Variants in OGFOD3 observed in about 807,000 individuals in gnomAD.
The protein encoded by OGFOD3 is 2-oxoglutarate and iron dependent oxygenase domain containing 3.
OGFOD3 carries 35 observed loss-of-function variants against 39.8 expected under a neutral mutation model. That is an observed-to-expected ratio of 0.88 (90% CI 0.67 to 1.17). The LOEUF (loss-of-function observed/expected upper bound fraction) is 1.17. Ranked by LOEUF, OGFOD3 falls within the 50% of genes most tolerant of loss-of-function variation. The pLI is 0.00. For synonymous variants in OGFOD3, 200 were observed against 192.0 expected (o/e 1.04, Z -0.34); for missense variants, 438 against 454.5 (o/e 0.96, Z 0.33).
At chr17:82,400,621 G>A (rs1289734163) in intron 7 of OGFOD3, 1 of 151,950 alleles carries the variant, frequency 6.6e-6, no homozygotes. Context: ...GTAGGTGAGG[G>A]GGTTACTGGT....
intron 2 of OGFOD3, among the ~76,000 whole-genome samples, chr17:82,414,405 T>C (rs915142989): frequency 1.3e-5 from 2 of 152,216 alleles, no homozygotes; most frequent in Admixed American, 6.5e-5. Flanking sequence ...CCCAAAGTGC[T>C]GGGATTGAGG....
chr17:82,407,597 C>A (rs926254624), intron 4 of OGFOD3, among the ~76,000 whole-genome samples: 2 of 152,228 alleles, frequency 1.3e-5, no homozygotes, highest in African/African-American at 4.8e-5. Context: ...TTCCAGCCCA[C>A]GTTAGTCATC....
chr17:82,415,298 C>A lies in OGFOD3; in HGVS notation c.304+100G>T. On this transcript the variant is annotated intron_variant, in intron 2 of 8. Coordinates refer to ENST00000313056, the MANE Select transcript of OGFOD3 (RefSeq NM_024648.3). The surrounding 1 kb of genome is among the most constrained non-coding windows in gnomAD (Gnocchi z 5.3). ...GGAGGGGAGAGGTTGTCTGCTACCCCCAAGCATACCACATCCAACCCAATT... is the reference window on the plus strand; with the variant it reads ...GGAGGGGAGAGGTTGTCTGCTACCCACAAGCATACCACATCCAACCCAATT... The A allele has an allele frequency of 8.2e-7, 1 of 1,214,956 alleles. No individual in the cohort carries two copies. 75.3% of individuals were successfully genotyped at this position (1,214,956 alleles called of 1,614,324 possible).
At position 82,391,749 on chromosome 17, in the gene OGFOD3, T is replaced by C. The variant is rs28517555; in HGVS notation, c.*649A>G. 0.55 allele frequency: 83,847 copies of C among 152,378 alleles called. 23,190 individuals are homozygous for C. Among genetic ancestry groups the C allele is most frequent in the South Asian group, 0.7 (3,396 of 4,836 alleles). The allele number at this position is 152,378 out of a possible 1,614,324, so 9.4% of individuals were successfully genotyped here. On this transcript the variant is annotated 3_prime_UTR_variant, in exon 9 of 9. Transcript: ENST00000313056. This position sits in a 1 kb window ranked among gnomAD's most constrained non-coding sequence, Gnocchi z 5.1. ...GTGAGGACACTCGGACCCTGGCCCTTGGGATGCTGGCCGCTGACAGGGCCA... is the reference window on the plus strand; with the variant it reads ...GTGAGGACACTCGGACCCTGGCCCTCGGGATGCTGGCCGCTGACAGGGCCA...
In OGFOD3 at chr17:82,415,584, G is replaced by A. The variant is rs1419002281; in HGVS notation, c.118C>T (p.Gln40Ter). The A allele has an allele frequency of 1.2e-6, 2 of 1,613,434 alleles. No homozygotes were observed. Among genetic ancestry groups the A allele is most frequent in the African/African-American group, 1.3e-5 (1 of 75,042 alleles). Residue 40 changes from glutamine to a stop codon, truncating the protein, a stop_gained, in exon 2 of 9, where the codon CAG becomes TAG. Transcript: ENST00000313056. LOFTEE classifies it high-confidence loss of function. This position sits in a 1 kb window ranked among gnomAD's most constrained non-coding sequence, Gnocchi z 5.3. ...CCCGCGGTCCTTAGCCACGGCCTCTGCCACAGCCTCTGCACCTCCCGCGGG... is the reference window on the plus strand; with the variant it reads ...CCCGCGGTCCTTAGCCACGGCCTCTACCACAGCCTCTGCACCTCCCGCGGG... ...RAPREVQRLWQRPWLRTAGLG... is the reference protein window; with the variant it reads ...RAPREVQRLW
In OGFOD3 at chr17:82,392,564, A is replaced by G. The variant is rs964275996; in HGVS notation, c.824-30T>C. 1 of 1,564,068 alleles carries G rather than the reference A, an allele frequency of 6.4e-7. No homozygotes were observed. The highest frequency in any genetic ancestry group is 8.7e-7 in the Non-Finnish European group (1 of 1,154,486). ...GAGAGGAGAAGAGAGAGAGGTGGCC[A>G]TAGAGCCACACCCACGGCCACAGCC... On this transcript the variant is annotated intron_variant, in intron 8 of 8. Coordinates refer to ENST00000313056, the MANE Select transcript of OGFOD3 (RefSeq NM_024648.3). The surrounding 1 kb of genome is among the most constrained non-coding windows in gnomAD (Gnocchi z 4.2).
At chr17:82,412,590 G>T (rs1452416281) in intron 2 of OGFOD3, among the ~76,000 whole-genome samples, 1 of 150,696 alleles carries the variant, frequency 6.6e-6, no homozygotes, top group Non-Finnish European at 1.5e-5. Flanking sequence ...GCAGGGGCAG[G>T]GTGGTCAGAC....
At chr17:82,398,117 CCCAGGGACACGCCCCCCA>C in intron 8 of OGFOD3, 61 bp downstream of exon 8, 1 of 1,568,814 alleles carries the variant, frequency 6.4e-7, no homozygotes. Flanking sequence ...CAGCCTCGCT[CCCAGGGACACGCCCCCCA>C]CACCCACCGT....
chr17:82,411,208 A>G (rs1720482745), intron 3 of OGFOD3, among the ~76,000 whole-genome samples: 1 of 147,576 alleles, frequency 6.8e-6, no homozygotes, highest in Admixed American at 6.8e-5. Context: ...CACCACACCC[A>G]GCTAATTTAT....
intron 7 of OGFOD3, 159 bp downstream of exon 7, chr17:82,403,778 G>A (rs1394187410): frequency 7.3e-6 from 7 of 960,044 alleles, no homozygotes; most frequent in African/African-American, 6.5e-5. Flanking sequence ...CCCTGCCCAC[G>A]TGCGTACTCA....
intron 2 of OGFOD3, among the ~76,000 whole-genome samples, chr17:82,412,390 G>A (rs1158910919): frequency 1.5e-5 from 2 of 131,542 alleles, no homozygotes; most frequent in African/African-American, 5.8e-5. Context: ...CGGGGCAGGG[G>A]CATGGTTATC....
intron 2 of OGFOD3, among the ~76,000 whole-genome samples, chr17:82,413,018 G>A (rs2143288529): frequency 6.6e-6 from 1 of 152,340 alleles, no homozygotes; most frequent in South Asian, 2.1e-4. Flanking sequence ...TGGGCCTTGT[G>A]CCAGGAGATA....
rs754992572 is a variant in OGFOD3 at position 82,403,949 on chromosome 17, C to T, written c.687G>A (p.Ala229=). ...ARTAHDEYWH[A]HVDKVTYGSF... is the part of the protein sequence containing the mutation. ...CGGGCGCGCTCACCTTGTCCACGTG[C>T]GCATGCCAGTACTCGTCGTGCGCCG... The change falls in exon 7 of 9, where the codon GCG becomes GCA. Residue 229 remains alanine (A), a synonymous_variant. Transcript: ENST00000313056. 5.6e-6 allele frequency: 9 copies of T among 1,604,404 alleles called. No homozygotes were observed. The East Asian group carries it at 1.1e-4, about 20-fold the overall frequency.
At chr17:82,395,687 G>A (rs1267521805) in intron 8 of OGFOD3, among the ~76,000 whole-genome samples, 2 of 152,238 alleles carry the variant, frequency 1.3e-5, no homozygotes, top group African/African-American at 4.8e-5. Flanking sequence ...CGGGCGTGGT[G>A]GTAGGCACCT....
chr17:82,399,169 G>A (rs1175623918), intron 7 of OGFOD3, among the ~76,000 whole-genome samples: 1 of 152,190 alleles, frequency 6.6e-6, no homozygotes, highest in African/African-American at 2.4e-5. Context: ...TTAACAACAT[G>A]TGTCGGCCCC....
Position 82,404,313 on chromosome 17 carries a change from C to A in OGFOD3, c.546-223G>T, listed in dbSNP as rs1275705164. Among the ~76,000 whole-genome samples the A allele has an allele frequency of 6.6e-6, 1 of 152,190 alleles. No individual in the cohort carries two copies. Among genetic ancestry groups the A allele is most frequent in the Non-Finnish European group, 1.5e-5 (1 of 68,024 alleles). On this transcript the variant is annotated intron_variant, in intron 6 of 8. Transcript: ENST00000313056. This position sits in a 1 kb window ranked among gnomAD's most constrained non-coding sequence, Gnocchi z 4.5. The stretch of plus-strand genomic sequence containing the variant: ...AGAGGCAGGCGCAAGACCACAGCAG[C>A]AGGACTGGGGAGGCAGAAGGGGGCC...
chr17:82,418,432 G>T lies in OGFOD3; in HGVS notation c.54C>A (p.Ala18=), dbSNP rs1489621553. ...GCTACCTGCTCCGGTTCCGGCGCTC[G>T]GCCGCTCCGTTGCCCTCGGGCGCCT... ...ATKAPEGNGA[A]ERRNRSSTKK... Residue 18 remains alanine (A), a synonymous_variant, in exon 1 of 9, where the codon GCC becomes GCA. Coordinates refer to ENST00000313056, the MANE Select transcript of OGFOD3 (RefSeq NM_024648.3). 1.4e-6 allele frequency: 2 copies of T among 1,478,834 alleles called. No individual in the cohort carries two copies. The highest frequency in any genetic ancestry group is 5.9e-5 in the East Asian group (2 of 33,784). The allele number at this position is 1,478,834 out of a possible 1,614,324, so 91.6% of individuals were successfully genotyped here.
Position 82,406,946 on chromosome 17 carries a change from G to A in OGFOD3, c.424-464C>T, listed in dbSNP as rs542617930. On this transcript the variant is annotated intron_variant, in intron 4 of 8. Coordinates refer to ENST00000313056, the MANE Select transcript of OGFOD3 (RefSeq NM_024648.3). This position sits in a 1 kb window ranked among gnomAD's most constrained non-coding sequence, Gnocchi z 5.2. ...AAATCCTCCCAGACCGGCCAGACGTGGTGGCTCACACCTGCAATCCCAGCA... is the reference window on the plus strand; with the variant it reads ...AAATCCTCCCAGACCGGCCAGACGTAGTGGCTCACACCTGCAATCCCAGCA... Among the ~76,000 whole-genome samples, 5 of 152,158 alleles carry A rather than the reference G, an allele frequency of 3.3e-5. No individual in the cohort carries two copies. In the South Asian group the frequency reaches 1.0e-3, roughly 32 times the overall value.
In OGFOD3 at chr17:82,406,435, G is replaced by A. The variant is rs778614297; in HGVS notation, c.471C>T (p.His157=). ...GCACTCACCTGTACAGGTTCACAAA[G>A]TGCTTCCCGACAGACAGGGCCCCTG... ...LHSGALSVGK[H]FVNLYRYFGD... is the part of the protein sequence containing the mutation. Residue 157 remains histidine, a synonymous_variant, in exon 5 of 9, where the codon CAC becomes CAT. Coordinates refer to ENST00000313056, the MANE Select transcript of OGFOD3 (RefSeq NM_024648.3). This position sits in a 1 kb window ranked among gnomAD's most constrained non-coding sequence, Gnocchi z 5.2. The A allele has an allele frequency of 3.6e-5, 58 of 1,614,006 alleles. No individual in the cohort carries two copies. The highest frequency in any genetic ancestry group is 4.5e-5 in the East Asian group (2 of 44,898).
Sources: gnomAD v4.1 joint callset for allele counts (sites outside exome capture counted in the v4.1 genomes callset) on GRCh38, gnomAD v4.1.1 for gene constraint, Gnocchi (gnomAD v3.1) non-coding constraint, MANE v1.5 for transcripts, NCBI Gene and HGNC (gene_info 2026-07-23, HGNC 2026-07-21) for gene names.